Variants in NCMAP observed in about 807,000 individuals in gnomAD.
NCMAP encodes non-compact myelin associated protein, also known as noncompact myelin-associated protein.
A neutral mutation model predicts 7.8 loss-of-function variants in NCMAP; 8 were observed. The observed-to-expected ratio is 1.02, with a 90% CI of 0.60 to 1.84. NCMAP has a LOEUF of 1.84. Among genes scored for constraint, NCMAP ranks in the 40% most tolerant of loss-of-function variants. NCMAP has a pLI of 0.00. For missense variants in NCMAP, 112 were observed against 131.4 expected, an observed-to-expected ratio of 0.85 and a Z score of 0.72; for synonymous variants, 41 against 52.9, an observed-to-expected ratio of 0.78 and a Z score of 0.98.
At chr1:24,595,336 C>A in intron 1 of NCMAP, 88 bp from the exon 2 acceptor site, 2 of 859,842 alleles carry the variant, frequency 2.3e-6, no homozygotes, top group South Asian at 3.2e-5. Context: ...ATTCTACAGT[C>A]ATCCAGATAA....
intron 1 of NCMAP, among the ~76,000 whole-genome samples, chr1:24,574,354 A>G (rs1246477967): frequency 0.012 from 1,825 of 147,332 alleles, 81 homozygotes; most frequent in African/African-American, 0.047. Context: ...CCTGACCTCA[A>G]GTTATCTGCC....
At chr1:24,558,148 G>A (rs751161959) in intron 1 of NCMAP, among the ~76,000 whole-genome samples, 8 of 152,248 alleles carry the variant, frequency 5.3e-5, no homozygotes, top group Non-Finnish European at 8.8e-5. Context: ...GACTGGAGGA[G>A]TACATGAACA....
chr1:24,557,127 A>T (rs996035113), intron 1 of NCMAP, among the ~76,000 whole-genome samples: 1 of 152,154 alleles, frequency 6.6e-6, no homozygotes, highest in African/African-American at 2.4e-5. Flanking sequence ...GGGGGCAGGG[A>T]TGATGCCTAT....
At chr1:24,557,503 C>T (rs1650933628) in intron 1 of NCMAP, among the ~76,000 whole-genome samples, 1 of 152,006 alleles carries the variant, frequency 6.6e-6, no homozygotes, top group South Asian at 2.1e-4. Flanking sequence ...GTGACAGGCA[C>T]AGCCAGAGCA....
In NCMAP at chr1:24,607,176, A is replaced by G. The variant is rs926979450; in HGVS notation, c.*1429A>G. On this transcript the variant is annotated 3_prime_UTR_variant, in exon 4 of 4. Coordinates refer to ENST00000374392, the MANE Select transcript of NCMAP (RefSeq NM_001010980.5). ...CACCAGGCTAATTTTTTTATTTTTTATTTTTGTAGAGATGGGGTCTCGCTG... is the reference window on the plus strand; with the variant it reads ...CACCAGGCTAATTTTTTTATTTTTTGTTTTTGTAGAGATGGGGTCTCGCTG... 3.3e-5 allele frequency: 5 copies of G among 150,384 alleles called. No homozygotes were observed. The highest frequency in any genetic ancestry group is 1.2e-4 in the African/African-American group (5 of 40,968). The allele number at this position is 150,384 out of a possible 1,614,324, so 9.3% of individuals were successfully genotyped here.
intron 1 of NCMAP, among the ~76,000 whole-genome samples, chr1:24,569,096 C>G (rs1027419489): frequency 6.6e-6 from 1 of 151,750 alleles, no homozygotes; most frequent in African/African-American, 2.4e-5. Flanking sequence ...TGGGGTCAAG[C>G]AATTCTCCCA....
At chr1:24,594,436 C>G (rs985246100) in intron 1 of NCMAP, among the ~76,000 whole-genome samples, 1 of 152,148 alleles carries the variant, frequency 6.6e-6, no homozygotes, top group Non-Finnish European at 1.5e-5. Context: ...ACTCAACCAC[C>G]TTGAGTCCCA....
At chr1:24,587,790 G>C (rs1570530777) in intron 1 of NCMAP, among the ~76,000 whole-genome samples, 1 of 152,174 alleles carries the variant, frequency 6.6e-6, no homozygotes, top group East Asian at 1.9e-4. Flanking sequence ...TGGGATTATA[G>C]GCATAAGCCA....
chr1:24,567,741 C>G (rs575675168), intron 1 of NCMAP, among the ~76,000 whole-genome samples: 110 of 152,250 alleles, frequency 7.2e-4, no homozygotes, highest in African/African-American at 2.6e-3. Context: ...TGTCTCCACC[C>G]TCTTTCTAGT....
chr1:24,595,426 T>C lies in NCMAP; in HGVS notation c.-5T>C, dbSNP rs571163203. On this transcript the variant is annotated splice_region_variant and 5_prime_UTR_variant, in exon 2 of 4. Coordinates refer to ENST00000374392, the MANE Select transcript of NCMAP (RefSeq NM_001010980.5). ...AATATCTTCTTCTTTCTCATCAGGA[T>C]CGAGATGACCACAGCCACCCCTCTG... The C allele has an allele frequency of 5.0e-5, 80 of 1,607,040 alleles. No individual in the cohort carries two copies. The South Asian group carries it at 8.0e-4, about 16-fold the overall frequency.
chr1:24,602,430 C>T (rs1265993608), intron 3 of NCMAP, among the ~76,000 whole-genome samples: 2 of 142,744 alleles, frequency 1.4e-5, no homozygotes, highest in East Asian at 2.0e-4. Context: ...ATTAGCCGGG[C>T]GCAGTGGTGG....
chr1:24,599,579 T>G (rs1444904642), intron 2 of NCMAP, among the ~76,000 whole-genome samples: 2 of 152,128 alleles, frequency 1.3e-5, no homozygotes, highest in Non-Finnish European at 1.5e-5. Flanking sequence ...ATGGCTCCTT[T>G]TTTTTGGTTT....
chr1:24,604,513 C>T (rs2148939936), intron 3 of NCMAP, among the ~76,000 whole-genome samples: 1 of 127,676 alleles, frequency 7.8e-6, no homozygotes, highest in South Asian at 2.9e-4. Context: ...GATGTTGAGG[C>T]TGTAGTGAGC....
At chr1:24,595,957 A>T (rs1322788871) in intron 2 of NCMAP, among the ~76,000 whole-genome samples, 1 of 43,364 alleles carries the variant, frequency 2.3e-5, no homozygotes, top group Non-Finnish European at 4.9e-5. Flanking sequence ...GCCTCTGGTA[A>T]CATACTAAGT....
chr1:24,594,688 C>A (rs1376577303), intron 1 of NCMAP, among the ~76,000 whole-genome samples: 1 of 152,116 alleles, frequency 6.6e-6, no homozygotes, highest in African/African-American at 2.4e-5. Context: ...TGAAATTGTT[C>A]CTCATAGCCC....
At chr1:24,581,148 C>T (rs937250560) in intron 1 of NCMAP, among the ~76,000 whole-genome samples, 8 of 150,422 alleles carry the variant, frequency 5.3e-5, no homozygotes, top group African/African-American at 1.5e-4. Context: ...GACGAGGTCT[C>T]GCTGCGATGC....
chr1:24,578,560 C>CTTTTTTTT (rs555342098), intron 1 of NCMAP, among the ~76,000 whole-genome samples: 37 of 107,364 alleles, frequency 3.4e-4, no homozygotes, highest in African/African-American at 7.8e-4. Flanking sequence ...TTCTTTCTTT[C>CTTTTTTTT]TTTTTTTTTT....
chr1:24,587,114 A>G (rs1213896919), intron 1 of NCMAP, among the ~76,000 whole-genome samples: 1 of 152,192 alleles, frequency 6.6e-6, no homozygotes, highest in Non-Finnish European at 1.5e-5. Flanking sequence ...CTCACATCTG[A>G]TAAGTATCAA....
chr1:24,572,819 G>C (rs774645466), intron 1 of NCMAP, among the ~76,000 whole-genome samples: 7 of 150,828 alleles, frequency 4.6e-5, no homozygotes, highest in Non-Finnish European at 8.8e-5. Context: ...CAAGGAGCGG[G>C]CAGGATGGGT....
Sources: gnomAD v4.1 joint callset for allele counts (sites outside exome capture counted in the v4.1 genomes callset) on GRCh38, gnomAD v4.1.1 for gene constraint, MANE v1.5 for transcripts, NCBI Gene and HGNC (gene_info 2026-07-23, HGNC 2026-07-21) for gene names.